Variants in LYPD6B observed in about 807,000 individuals in gnomAD.
LYPD6B encodes ly6/PLAUR domain-containing protein 6B.
A neutral mutation model predicts 22.8 loss-of-function variants in LYPD6B; 17 were observed. The ratio of observed to expected loss-of-function variants is 0.75; its 90% CI spans 0.51 to 1.12. The LOEUF (loss-of-function observed/expected upper bound fraction) is 1.12, where lower values mean the gene tolerates loss of function less well. LYPD6B is among the 50% of genes most tolerant of loss of function. LYPD6B has a pLI of 0.00. For missense variants in LYPD6B, 221 were observed against 258.3 expected (o/e 0.86, Z 0.99); for synonymous variants, 106 against 91.6 (o/e 1.16, Z -0.90).
intron 3 of LYPD6B, among the ~76,000 whole-genome samples, chr2:149,171,875 C>T (rs1291205711): frequency 6.6e-6 from 1 of 152,134 alleles, no homozygotes; most frequent in Non-Finnish European, 1.5e-5. Flanking sequence ...CATTGTGATT[C>T]CCCTCCATCC....
chr2:149,060,776 C>T (rs865822523), intron 1 of LYPD6B, among the ~76,000 whole-genome samples: 13 of 152,262 alleles, frequency 8.5e-5, no homozygotes, highest in Non-Finnish European at 8.8e-5. Context: ...TACAGAGTCA[C>T]TTCCAAAAGG....
chr2:149,096,782 G>T (rs1208004055), intron 1 of LYPD6B, among the ~76,000 whole-genome samples: 5 of 152,150 alleles, frequency 3.3e-5, no homozygotes, highest in African/African-American at 1.2e-4. Flanking sequence ...TTAGTTGCGG[G>T]TAGGTAAAGG....
intron 1 of LYPD6B, among the ~76,000 whole-genome samples, chr2:149,108,486 T>C (rs142227544): frequency 6.1e-4 from 93 of 152,368 alleles, no homozygotes; most frequent in Non-Finnish European, 1.1e-3. Context: ...CCCTCAAATA[T>C]ATACTGCCTA....
chr2:149,214,806 T>A lies in LYPD6B; in HGVS notation c.*96T>A. ...TTTGGAGTGAAGATCAATCTTGCACTTGGTGAAGAGTGCACATTGGACCTC... is the reference window on the plus strand; with the variant it reads ...TTTGGAGTGAAGATCAATCTTGCACATGGTGAAGAGTGCACATTGGACCTC... On this transcript the variant is annotated 3_prime_UTR_variant, in exon 7 of 7. Transcript: ENST00000409642. 7.4e-7 allele frequency: 1 copy of A among 1,349,116 alleles called. No homozygotes were observed. The highest frequency in any genetic ancestry group is 1.1e-6 in the Non-Finnish European group (1 of 951,410). 83.6% of individuals were successfully genotyped at this position (1,349,116 alleles called of 1,614,324 possible). A position where few individuals can be genotyped will look rare whatever the true frequency, so the allele number is the denominator to read the frequency against.
chr2:149,050,692 A>G (rs1262401435), intron 1 of LYPD6B, among the ~76,000 whole-genome samples: 5 of 152,164 alleles, frequency 3.3e-5, no homozygotes, highest in Non-Finnish European at 7.3e-5. Flanking sequence ...CATTTCTCCT[A>G]GAATTTGGAG....
intron 3 of LYPD6B, among the ~76,000 whole-genome samples, chr2:149,166,835 A>T (rs1277781479): frequency 6.6e-6 from 1 of 152,094 alleles, no homozygotes; most frequent in Non-Finnish European, 1.5e-5. Context: ...GAGAGGAGAG[A>T]TCACAGGATG....
intron 2 of LYPD6B, among the ~76,000 whole-genome samples, chr2:149,139,872 A>G (rs1688583080): frequency 6.6e-6 from 1 of 152,224 alleles, no homozygotes; most frequent in South Asian, 2.1e-4. Context: ...TGAAAATTAG[A>G]GACATATGTC....
At chr2:149,145,616 A>AG (rs1209603048) in intron 2 of LYPD6B, among the ~76,000 whole-genome samples, 3 of 152,134 alleles carry the variant, frequency 2.0e-5, no homozygotes, top group Non-Finnish European at 4.4e-5. Flanking sequence ...AGAGAGAAAG[A>AG]GGGGGTGGAT....
At chr2:149,186,934 C>T (rs941281784) in intron 3 of LYPD6B, among the ~76,000 whole-genome samples, 3 of 152,132 alleles carry the variant, frequency 2.0e-5, no homozygotes, top group African/African-American at 7.2e-5. Context: ...CCACAGCCAC[C>T]CCAACCTTTA....
intron 1 of LYPD6B, among the ~76,000 whole-genome samples, chr2:149,044,364 G>A (rs1313150506): frequency 6.6e-6 from 1 of 151,942 alleles, no homozygotes; most frequent in African/African-American, 2.4e-5. Flanking sequence ...TTATACTTAG[G>A]TATTTCATTT....
intron 3 of LYPD6B, among the ~76,000 whole-genome samples, chr2:149,199,475 T>A (rs1405003203): frequency 6.6e-6 from 1 of 152,218 alleles, no homozygotes; most frequent in Non-Finnish European, 1.5e-5. Context: ...CAGTACCTGG[T>A]ACAAATGCAT....
chr2:149,075,034 T>C (rs1046497949), intron 1 of LYPD6B, among the ~76,000 whole-genome samples: 10 of 152,250 alleles, frequency 6.6e-5, no homozygotes, highest in African/African-American at 2.4e-4. Flanking sequence ...ATGCCTTTTC[T>C]CTTTTTAAGG....
intron 1 of LYPD6B, among the ~76,000 whole-genome samples, chr2:149,055,853 C>T (rs967354442): frequency 2.0e-5 from 3 of 152,154 alleles, no homozygotes; most frequent in African/African-American, 7.2e-5. Flanking sequence ...AATCTGAATG[C>T]CTTTTATTTC....
chr2:149,212,710 A>G (rs1030956379), intron 5 of LYPD6B, among the ~76,000 whole-genome samples: 3 of 152,212 alleles, frequency 2.0e-5, no homozygotes, highest in African/African-American at 7.2e-5. Flanking sequence ...CCATGTTTTG[A>G]TAAAATGCTT....
chr2:149,160,572 A>G (rs1269135658), intron 2 of LYPD6B, 192 bp from the exon 3 acceptor site: 6 of 673,056 alleles, frequency 8.9e-6, no homozygotes, highest in Middle Eastern at 4.7e-4. Context: ...TGTAATGTTA[A>G]TGGCCCCACC....
intron 2 of LYPD6B, among the ~76,000 whole-genome samples, chr2:149,150,858 C>T (rs1689322382): frequency 6.6e-6 from 1 of 151,970 alleles, no homozygotes; most frequent in South Asian, 2.1e-4. Flanking sequence ...ACAAATATTT[C>T]TACTTTCTGA....
chr2:149,040,541 A>C (rs910643677), intron 1 of LYPD6B, among the ~76,000 whole-genome samples: 2 of 152,002 alleles, frequency 1.3e-5, no homozygotes, highest in Non-Finnish European at 2.9e-5. Flanking sequence ...TAGCAATCTT[A>C]TTGACATACT....
intron 1 of LYPD6B, among the ~76,000 whole-genome samples, chr2:149,098,643 A>AAAAGAAAGAAAG (rs1686029616): frequency 7.6e-6 from 1 of 130,960 alleles, no homozygotes; most frequent in African/African-American, 2.9e-5. Context: ...AAAAAAAAAA[A>AAAAGAAAGAAAG]AAAAAAGAAA....
chr2:149,051,223 T>G (rs889544598), intron 1 of LYPD6B, among the ~76,000 whole-genome samples: 1 of 152,132 alleles, frequency 6.6e-6, no homozygotes, highest in African/African-American at 2.4e-5. Flanking sequence ...TGGAGTGCAG[T>G]GGCACGAACT....
Sources: allele counts gnomAD v4.1 joint callset (sites outside exome capture counted in the v4.1 genomes callset), GRCh38; gene constraint gnomAD v4.1.1; transcripts MANE v1.5; gene names NCBI Gene and HGNC (gene_info 2026-07-23, HGNC 2026-07-21).